DNAAF5: variants seen among roughly 807,000 people sequenced by gnomAD.
DNAAF5 encodes HEAT repeat containing 2.
In DNAAF5, 64 loss-of-function variants were observed where a neutral mutation model predicts 75.8. The observed-to-expected ratio is 0.84, with a 90% CI of 0.69 to 1.04. The LOEUF (loss-of-function observed/expected upper bound fraction) is 1.04. DNAAF5 is among the 50% of genes least tolerant of loss of function. DNAAF5 has a pLI of 0.00. For synonymous variants in DNAAF5, 657 were observed against 557.2 expected, an observed-to-expected ratio of 1.18 and a Z score of -2.52; for missense variants, 1,269 against 1,178.5, an observed-to-expected ratio of 1.08 and a Z score of -1.12.
intron 9 of DNAAF5, among the ~76,000 whole-genome samples, chr7:773,131 G>A (rs552472379): frequency 3.9e-4 from 59 of 152,262 alleles, no homozygotes; most frequent in African/African-American, 1.4e-3. Flanking sequence ...GAGCCCTCTT[G>A]CAAGTCACGG....
chr7:783,851 C>G (rs1779062374), intron 12 of DNAAF5, among the ~76,000 whole-genome samples: 1 of 152,168 alleles, frequency 6.6e-6, no homozygotes, highest in African/African-American at 2.4e-5. Flanking sequence ...TCCTCAGGAC[C>G]TTGCTCTAGG....
chr7:774,651 G>A (rs1778698257), intron 10 of DNAAF5, among the ~76,000 whole-genome samples: 2 of 152,116 alleles, frequency 1.3e-5, no homozygotes, highest in African/African-American at 4.8e-5. Context: ...CGGCGGGAAG[G>A]CGCTGCCCTG....
rs577954684 is a variant in DNAAF5, at chr7:786,269, T to C, written c.*616T>C. The C allele has an allele frequency of 1.3e-5, 2 of 152,322 alleles. No individual in the cohort carries two copies. The highest frequency in any genetic ancestry group is 2.4e-5 in the African/African-American group (1 of 41,448). The allele number at this position is 152,322 out of a possible 1,614,324, so 9.4% of individuals were successfully genotyped here. A position where few individuals can be genotyped will look rare whatever the true frequency, so the allele number is the denominator to read the frequency against. The stretch of plus-strand genomic sequence containing the variant: ...AACAATATTTCATGAGATCTAATTG[T>C]GGTTGCCCCTATAGGTAGCAGGAAA... On this transcript the variant is annotated 3_prime_UTR_variant, in exon 13 of 13. Coordinates refer to ENST00000297440, the MANE Select transcript of DNAAF5 (RefSeq NM_017802.4).
chr7:765,078 ACT>A (rs1392424967), intron 8 of DNAAF5, among the ~76,000 whole-genome samples: 1 of 152,180 alleles, frequency 6.6e-6, no homozygotes, highest in African/African-American at 2.4e-5. Flanking sequence ...CTGTGACTGC[ACT>A]GCTGCACTCC....
In DNAAF5 at chr7:770,511, G is replaced by C; in HGVS notation, c.1824G>C (p.Thr608=). The change falls in exon 9 of 13, where the codon ACG becomes ACC. Residue 608 remains threonine, a synonymous_variant. Transcript: ENST00000297440. The part of the protein sequence containing the change: ...LGEALPHVVP[T]LRACLQPSQD... ...AAGCCCTGCCACACGTCGTGCCCAC[G>C]CTGAGGGCCTGTCTGCAGCCCTCCC... 6.2e-7 allele frequency: 1 copy of C among 1,613,800 alleles called. No homozygotes were observed. The highest frequency in any genetic ancestry group is 8.5e-7 in the Non-Finnish European group (1 of 1,179,978).
At chr7:768,904 C>T (rs1295714029) in intron 8 of DNAAF5, 2 of 526,742 alleles carry the variant, frequency 3.8e-6, no homozygotes, top group East Asian at 5.9e-5. Context: ...GGGTCAGAAG[C>T]AGCGTGGTTC....
intron 8 of DNAAF5, 50 bp from the exon 9 acceptor site, chr7:770,421 C>T (rs780874757): frequency 1.1e-5 from 17 of 1,570,142 alleles, no homozygotes; most frequent in Non-Finnish European, 1.5e-5. Flanking sequence ...GATGGGGCCT[C>T]CTCCCGTCTC....
chr7:738,328 T>C (rs1781797887), intron 2 of DNAAF5, among the ~76,000 whole-genome samples: 1 of 152,162 alleles, frequency 6.6e-6, no homozygotes, highest in African/African-American at 2.4e-5. Context: ...CTCCATGTTA[T>C]CTTGGATTTT....
intron 2 of DNAAF5, among the ~76,000 whole-genome samples, chr7:732,316 G>A (rs561557524): frequency 6.6e-6 from 1 of 152,368 alleles, no homozygotes; most frequent in Admixed American, 6.5e-5. Context: ...GGCGAGGCAG[G>A]CAGGACGGAC....
At chr7:740,007 C>G (rs1395399557) in intron 2 of DNAAF5, among the ~76,000 whole-genome samples, 2 of 152,192 alleles carry the variant, frequency 1.3e-5, no homozygotes, top group Non-Finnish European at 2.9e-5. Flanking sequence ...ACGGCCCAGC[C>G]AGGGACTGAT....
intron 4 of DNAAF5, among the ~76,000 whole-genome samples, chr7:752,834 C>G (rs1782351207): frequency 6.6e-6 from 1 of 152,222 alleles, no homozygotes; most frequent in African/African-American, 2.4e-5. Context: ...GGATTTATCT[C>G]CAGAGTATAG....
chr7:785,814 C>T lies in DNAAF5; in HGVS notation c.*161C>T. The T allele has an allele frequency of 1.4e-6, 1 of 718,356 alleles. No individual in the cohort carries two copies. The highest frequency in any genetic ancestry group is 1.9e-5 in the South Asian group (1 of 51,594). The allele number at this position is 718,356 out of a possible 1,614,324, so 44.5% of individuals were successfully genotyped here. ...CCCACTCTTTCCCTGGAATAACAGCCTCTGAGTGGATTCTGCATGTTATGT... is the reference window on the plus strand; with the variant it reads ...CCCACTCTTTCCCTGGAATAACAGCTTCTGAGTGGATTCTGCATGTTATGT... On this transcript the variant is annotated 3_prime_UTR_variant, in exon 13 of 13. Transcript: ENST00000297440.
Position 754,752 on chromosome 7 carries a change from G to C in DNAAF5, c.1188G>C (p.Gln396His). ...TGCATGCCGAGGACCACGCCACGCA[G>C]CACCTGGAGGTCGTCCTCCGGACCC... ...LLLHAEDHAT[Q>H]HLEVVLRTLF... Residue 396 changes from glutamine (Q) to histidine (H), a missense_variant, in exon 5 of 13, where the codon CAG (glutamine) becomes CAC (histidine). Physicochemically the swap from Gln to His is conservative, Grantham distance 24. Coordinates refer to ENST00000297440, the MANE Select transcript of DNAAF5 (RefSeq NM_017802.4). This position sits in a 1 kb window ranked among gnomAD's most constrained non-coding sequence, Gnocchi z 4.8. 6.2e-7 allele frequency: 1 copy of C among 1,613,556 alleles called. No homozygotes were observed. The highest frequency in any genetic ancestry group is 8.5e-7 in the Non-Finnish European group (1 of 1,179,976).
At chr7:745,936 G>A (rs931068433) in intron 4 of DNAAF5, among the ~76,000 whole-genome samples, 25 of 152,200 alleles carry the variant, frequency 1.6e-4, no homozygotes, top group Non-Finnish European at 2.9e-4. Flanking sequence ...GTGCCGAGGC[G>A]TAGAGAGTGT....
At position 782,665 on chromosome 7, in the gene DNAAF5, C is replaced by T. The variant is rs1325805498; in HGVS notation, c.2431+2521C>T. Among the ~76,000 whole-genome samples, 21 of 131,632 alleles carry T rather than the reference C, an allele frequency of 1.6e-4. 1 individual carries two copies. Among genetic ancestry groups the T allele is most frequent in the African/African-American group, 6.5e-4 (21 of 32,254 alleles). 86.4% of individuals were successfully genotyped at this position (131,632 alleles called of 152,430 possible). On this transcript the variant is annotated intron_variant, in intron 12 of 12. Coordinates refer to ENST00000297440, the MANE Select transcript of DNAAF5 (RefSeq NM_017802.4). ...GCCTCCCGTCACGCAGCGTCAGAAA[C>T]TCGATCTTCCTGGCGTGGCCGCCTC...
rs185154075 is a variant in DNAAF5 at position 763,964 on chromosome 7, C to T, written c.1773C>T (p.Val591=). The change falls in exon 8 of 13, where the codon GTC becomes GTT. Residue 591 remains valine, a synonymous_variant. Coordinates refer to ENST00000297440, the MANE Select transcript of DNAAF5 (RefSeq NM_017802.4). ...AGCTCCTGCAGTTCAGTGTCATCGT[C>T]GCACAGTCAGGTGAGCCGTCCCGAC... ...SPELLQFSVI[V]AQSGPALGEA... The T allele has an allele frequency of 3.4e-5, 55 of 1,604,048 alleles. No individual in the cohort carries two copies. The highest frequency in any genetic ancestry group is 9.3e-5 in the African/African-American group (7 of 75,070).
intron 2 of DNAAF5, among the ~76,000 whole-genome samples, chr7:733,365 G>T (rs574193624): frequency 5.5e-4 from 83 of 152,136 alleles, no homozygotes; most frequent in African/African-American, 1.8e-3. Context: ...TAGGGATTGC[G>T]TTGAGTCTGT....
chr7:785,716 A>G lies in DNAAF5; in HGVS notation c.*63A>G. ...CCTGAGCCAGAGTTTGTGGCCTTTA[A>G]ATCTCATAAACAAGGCACCTCTGTG... On this transcript the variant is annotated 3_prime_UTR_variant, in exon 13 of 13. Coordinates refer to ENST00000297440, the MANE Select transcript of DNAAF5 (RefSeq NM_017802.4). The G allele has an allele frequency of 1.3e-6, 2 of 1,579,588 alleles. No homozygotes were observed. Among genetic ancestry groups the G allele is most frequent in the South Asian group, 2.3e-5 (2 of 88,502 alleles).
At chr7:775,595 TAC>T (rs912741877) in intron 11 of DNAAF5, among the ~76,000 whole-genome samples, 2 of 152,322 alleles carry the variant, frequency 1.3e-5, no homozygotes, top group Admixed American at 1.3e-4. Context: ...AATTTGTACT[TAC>T]ATTTGCATAT....
Sources: gnomAD v4.1 joint callset for allele counts (sites outside exome capture counted in the v4.1 genomes callset) on GRCh38, gnomAD v4.1.1 for gene constraint, Gnocchi (gnomAD v3.1) non-coding constraint, MANE v1.5 for transcripts, NCBI Gene and HGNC (gene_info 2026-07-23, HGNC 2026-07-21) for gene names.